The following COLEC12 variants were observed in gnomAD, a reference collection of about 807,000 sequenced individuals.
The protein encoded by COLEC12 is collectin-12.
In COLEC12, 33 loss-of-function variants were observed where a neutral mutation model predicts 71.1. The observed-to-expected ratio is 0.46, with a 90% CI of 0.35 to 0.62. COLEC12 has a LOEUF of 0.62. Ranked by LOEUF, COLEC12 falls within the 20% of genes least tolerant of loss-of-function variation. COLEC12 has a pLI of 0.00. For missense variants in COLEC12, 765 were observed against 916.1 expected (o/e 0.84, Z 2.13); for synonymous variants, 350 against 353.0 (o/e 0.99, Z 0.10).
intron 1 of COLEC12, among the ~76,000 whole-genome samples, chr18:491,454 A>C (rs930681889): frequency 1.3e-5 from 2 of 152,222 alleles, no homozygotes; most frequent in Non-Finnish European, 2.9e-5. Flanking sequence ...GGAACCAATG[A>C]TTCCTATCTC....
intron 1 of COLEC12, among the ~76,000 whole-genome samples, chr18:486,818 C>T (rs1917527695): frequency 6.6e-6 from 1 of 152,182 alleles, no homozygotes; most frequent in African/African-American, 2.4e-5. Flanking sequence ...AGATAGACAA[C>T]AAGTGTTGGC....
intron 1 of COLEC12, among the ~76,000 whole-genome samples, chr18:492,317 T>C (rs1313797289): frequency 6.6e-6 from 1 of 152,192 alleles, no homozygotes; most frequent in East Asian, 1.9e-4. Context: ...TAAAGAGGCA[T>C]GGGTACCCTA....
At chr18:331,882 T>C in intron 7 of COLEC12, 105 bp from the exon 8 acceptor site, 1 of 714,290 alleles carries the variant, frequency 1.4e-6, no homozygotes, top group Non-Finnish European at 2.4e-6. Flanking sequence ...TAAAAGAGGA[T>C]GGTTGTCAGA....
chr18:386,309 T>A (rs28416724), intron 2 of COLEC12, among the ~76,000 whole-genome samples: 21,136 of 152,028 alleles, frequency 0.14, 1,574 homozygotes, highest in Admixed American at 0.2. Flanking sequence ...CAGGCAGGGG[T>A]GACTGGAAGA....
rs1913623542 is a variant in COLEC12 at position 319,110 on chromosome 18, C to T, written c.*935G>A. ...CCTCTCCATCCCCCACACCTCCCGACTCCACCAAAATGAAGTGGAAGCACG... is the reference window on the plus strand; with the variant it reads ...CCTCTCCATCCCCCACACCTCCCGATTCCACCAAAATGAAGTGGAAGCACG... On this transcript the variant is annotated 3_prime_UTR_variant, in exon 10 of 10. Coordinates refer to ENST00000400256, the MANE Select transcript of COLEC12 (RefSeq NM_130386.3). 6.6e-6 allele frequency: 1 copy of T among 152,012 alleles called. No individual in the cohort carries two copies. Among genetic ancestry groups the T allele is most frequent in the Non-Finnish European group, 1.5e-5 (1 of 68,022 alleles). The allele number at this position is 152,012 out of a possible 1,614,324, so 9.4% of individuals were successfully genotyped here.
At chr18:447,057 G>A (rs1332607425) in intron 2 of COLEC12, among the ~76,000 whole-genome samples, 1 of 152,220 alleles carries the variant, frequency 6.6e-6, no homozygotes, top group Non-Finnish European at 1.5e-5. Flanking sequence ...TGTGCTTGGA[G>A]GGAGGGACTT....
chr18:391,078 T>TC (rs765929078), intron 2 of COLEC12, among the ~76,000 whole-genome samples: 2 of 152,222 alleles, frequency 1.3e-5, no homozygotes, highest in Non-Finnish European at 2.9e-5. Flanking sequence ...CAAAGCCATT[T>TC]CTAAATGATG....
chr18:350,703 G>A (rs996439048), intron 3 of COLEC12, among the ~76,000 whole-genome samples: 1 of 152,038 alleles, frequency 6.6e-6, no homozygotes, highest in African/African-American at 2.4e-5. Flanking sequence ...TGGGGTGGGT[G>A]GATCATTTGA....
At chr18:363,040 G>GA (rs890149659) in intron 2 of COLEC12, among the ~76,000 whole-genome samples, 83 of 152,172 alleles carry the variant, frequency 5.5e-4, no homozygotes, top group African/African-American at 2.0e-3. Flanking sequence ...GGCAGGGGGG[G>GA]AATGGGGGCT....
chr18:357,377 G>GA (rs769216307), intron 3 of COLEC12, 23 bp downstream of exon 3: 24 of 1,574,724 alleles, frequency 1.5e-5, no homozygotes, highest in Admixed American at 8.2e-5. Context: ...TTATTTGGAA[G>GA]AAAAAAAAGA....
chr18:329,620 C>T (rs1369272393), intron 8 of COLEC12, among the ~76,000 whole-genome samples: 1 of 152,138 alleles, frequency 6.6e-6, no homozygotes, highest in Non-Finnish European at 1.5e-5. Context: ...CAGGGGGTAC[C>T]CCTTCCTCTC....
intron 2 of COLEC12, among the ~76,000 whole-genome samples, chr18:390,559 G>C (rs1385391428): frequency 6.6e-6 from 1 of 152,116 alleles, no homozygotes; most frequent in African/African-American, 2.4e-5. Context: ...TCGGGAGTTC[G>C]AGACCAGACT....
chr18:337,468 C>T lies in COLEC12; in HGVS notation c.1328-2238G>A, dbSNP rs16942857. On this transcript the variant is annotated intron_variant, in intron 5 of 9. Coordinates refer to ENST00000400256, the MANE Select transcript of COLEC12 (RefSeq NM_130386.3). ...TTAGGCTCTGGACTTAATTTGCTTA[C>T]GTAAGGCTACCCATATCTTGCTCAC... Among the ~76,000 whole-genome samples, 881 of 152,318 alleles carry T rather than the reference C, an allele frequency of 5.8e-3. 6 individuals carry two copies. Among genetic ancestry groups the T allele is most frequent in the African/African-American group, 0.016 (680 of 41,568 alleles).
Position 335,224 on chromosome 18 carries a change from G to A in COLEC12, c.1334C>T (p.Pro445Leu), listed in dbSNP as rs769764875. The A allele has an allele frequency of 2.7e-5, 43 of 1,588,234 alleles. 1 individual carries two copies. Among genetic ancestry groups the A allele is most frequent in the South Asian group, 5.7e-5 (5 of 87,418 alleles). ...GTCACCTCTTGGACCCCTGGGGCCC[G>A]GTGGACCTAAAGCATAAAAGAAAAA... Reference protein sequence around the residue: ...IKNFTILQGPPGPRGPRGDRG... With the variant: ...IKNFTILQGPLGPRGPRGDRG... The change falls in exon 6 of 10, where the codon CCG becomes CTG. Residue 445 changes from proline (P) to leucine (L), a missense_variant. Coordinates refer to ENST00000400256, the MANE Select transcript of COLEC12 (RefSeq NM_130386.3).
chr18:439,722 A>G (rs988739691), intron 2 of COLEC12, among the ~76,000 whole-genome samples: 1 of 152,152 alleles, frequency 6.6e-6, no homozygotes, highest in African/African-American at 2.4e-5. Context: ...AAAAGAAAAA[A>G]CCTTACACAT....
rs1201019512 is a variant in COLEC12, at chr18:498,601, T to C, written c.7+1907A>G. The stretch of plus-strand genomic sequence containing the variant: ...GTCTCGAACTCCTGACTTCGAGTGA[T>C]CTTGCCCACCTCGGCCTCCCAAAGT... On this transcript the variant is annotated intron_variant, in intron 1 of 9. Coordinates refer to ENST00000400256, the MANE Select transcript of COLEC12 (RefSeq NM_130386.3). Among the ~76,000 whole-genome samples the C allele has an allele frequency of 2.6e-5, 4 of 152,022 alleles. No individual in the cohort carries two copies. In the East Asian group the frequency reaches 5.8e-4, roughly 22 times the overall value.
chr18:359,000 T>G (rs1378283379), intron 2 of COLEC12, among the ~76,000 whole-genome samples: 1 of 151,898 alleles, frequency 6.6e-6, no homozygotes, highest in Non-Finnish European at 1.5e-5. Context: ...ATAATTACGA[T>G]GATAATTTCA....
At chr18:450,444 C>G (rs1375325114) in intron 2 of COLEC12, among the ~76,000 whole-genome samples, 1 of 152,164 alleles carries the variant, frequency 6.6e-6, no homozygotes, top group Non-Finnish European at 1.5e-5. Flanking sequence ...AAGTGTGTGG[C>G]ATCTCCCCCA....
intron 2 of COLEC12, among the ~76,000 whole-genome samples, chr18:474,586 C>A (rs1048903348): frequency 1.3e-5 from 2 of 152,088 alleles, no homozygotes; most frequent in Admixed American, 6.5e-5. Context: ...TATGAAATCT[C>A]CTCAGTTTAT....
Sources: gnomAD v4.1 joint callset for allele counts (sites outside exome capture counted in the v4.1 genomes callset) on GRCh38, gnomAD v4.1.1 for gene constraint, MANE v1.5 for transcripts, NCBI Gene and HGNC (gene_info 2026-07-23, HGNC 2026-07-21) for gene names.